The following THRB variants were observed in gnomAD, a reference collection of about 807,000 sequenced individuals.
THRB encodes the protein thyroid hormone receptor beta.
Under a neutral mutation model 47.8 loss-of-function variants are expected in THRB, and 12 were observed. That is an observed-to-expected ratio of 0.25 (90% CI 0.16 to 0.41). The LOEUF (loss-of-function observed/expected upper bound fraction) is 0.41, where lower values mean the gene tolerates loss of function less well. Ranked by LOEUF, THRB falls within the 10% of genes least tolerant of loss-of-function variation. THRB has a pLI of 1.00. For synonymous variants in THRB, 218 were observed against 212.2 expected (o/e 1.03, Z -0.24); for missense variants, 348 against 589.2 (o/e 0.59, Z 4.24).
Position 24,122,536 on chromosome 3 carries a change from C to T in THRB, c.*348G>A. ...TGGTCGTATTATCTTGGTTTTAAGG[C>T]TTCTTTAGTGTCCTGTGGCGCCATT... On this transcript the variant is annotated 3_prime_UTR_variant, in exon 11 of 11. Transcript: ENST00000646209. 2.7e-6 allele frequency: 1 copy of T among 364,270 alleles called. No individual in the cohort carries two copies. The highest frequency in any genetic ancestry group is 5.3e-6 in the Non-Finnish European group (1 of 190,380). 22.6% of individuals were successfully genotyped at this position (364,270 alleles called of 1,614,324 possible). A position where few individuals can be genotyped will look rare whatever the true frequency, so the allele number is the denominator to read the frequency against.
At chr3:24,218,531 A>G (rs1422463948) in intron 4 of THRB, among the ~76,000 whole-genome samples, 2 of 150,926 alleles carry the variant, frequency 1.3e-5, no homozygotes, top group East Asian at 1.9e-4. Context: ...AAGTACAAAC[A>G]CTCATTTACA....
At chr3:24,439,023 A>G (rs1272334545) in intron 1 of THRB, among the ~76,000 whole-genome samples, 2 of 152,154 alleles carry the variant, frequency 1.3e-5, no homozygotes, top group Non-Finnish European at 2.9e-5. Context: ...GTCTAGTCTG[A>G]TCCCACAGGG....
At chr3:24,406,553 T>G (rs930421807) in intron 1 of THRB, among the ~76,000 whole-genome samples, 1 of 151,812 alleles carries the variant, frequency 6.6e-6, no homozygotes, top group Non-Finnish European at 1.5e-5. Flanking sequence ...GGAATTTTTT[T>G]AACTTGTGAG....
chr3:24,377,416 G>A (rs911843955), intron 1 of THRB, among the ~76,000 whole-genome samples: 11 of 147,514 alleles, frequency 7.5e-5, no homozygotes, highest in African/African-American at 2.2e-4. Context: ...TAAAAATGTT[G>A]TCATTCAAGC....
At chr3:24,286,067 T>C (rs1700936) in intron 3 of THRB, among the ~76,000 whole-genome samples, 110,659 of 152,122 alleles carry the variant, frequency 0.73, 40,621 homozygotes, top group Middle Eastern at 0.87. Context: ...GGAAAGACCA[T>C]GTGAAGGCAT....
chr3:24,465,245 AAC>A (rs1172469209), intron 1 of THRB, among the ~76,000 whole-genome samples: 1 of 152,194 alleles, frequency 6.6e-6, no homozygotes, highest in East Asian at 1.9e-4. Flanking sequence ...GATTCTGAAA[AAC>A]ACATTCTGCT....
At chr3:24,427,916 A>T (rs2069934118) in intron 1 of THRB, among the ~76,000 whole-genome samples, 1 of 151,942 alleles carries the variant, frequency 6.6e-6, no homozygotes, top group Admixed American at 6.6e-5. Context: ...TAGATTTGAA[A>T]ATTTCCATTA....
intron 3 of THRB, among the ~76,000 whole-genome samples, chr3:24,238,293 T>G (rs796967176): frequency 0.026 from 711 of 26,992 alleles, 4 homozygotes; most frequent in African/African-American, 0.032. Context: ...GGGGGGGGGG[T>G]GTGTGGGGTG....
intron 1 of THRB, among the ~76,000 whole-genome samples, chr3:24,419,471 G>C (rs1428160319): frequency 6.6e-6 from 1 of 151,812 alleles, no homozygotes; most frequent in Non-Finnish European, 1.5e-5. Flanking sequence ...ATTCTATTTA[G>C]GGTTCATTTA....
chr3:24,476,843 T>A (rs1485063749), intron 1 of THRB, among the ~76,000 whole-genome samples: 2 of 152,198 alleles, frequency 1.3e-5, no homozygotes, highest in Non-Finnish European at 2.9e-5. Context: ...TGAGACAATT[T>A]TAACGTTCCT....
chr3:24,475,932 G>A (rs1041760037), intron 1 of THRB, among the ~76,000 whole-genome samples: 6 of 152,156 alleles, frequency 3.9e-5, no homozygotes, highest in Non-Finnish European at 7.3e-5. Context: ...GTCTTTCTAA[G>A]GAATCTCTCA....
intron 1 of THRB, among the ~76,000 whole-genome samples, chr3:24,493,760 T>A (rs923435260): frequency 1.6e-4 from 24 of 152,308 alleles, no homozygotes; most frequent in Middle Eastern, 6.8e-3. Flanking sequence ...TTAAAAAAAA[T>A]TCATCTCATT....
rs1418104192 is a variant in THRB, at chr3:24,122,345, C to G, written c.*539G>C. On this transcript the variant is annotated 3_prime_UTR_variant, in exon 11 of 11. Transcript: ENST00000646209. ...TAGGACACAAATATTCCTGTACATT[C>G]CAAGTTATGCTCCTAGGAGACCATA... is the stretch of plus-strand genomic sequence containing the variant. 6.0e-6 allele frequency: 1 copy of G among 165,696 alleles called. No individual in the cohort carries two copies. The highest frequency in any genetic ancestry group is 1.3e-5 in the Non-Finnish European group (1 of 74,742). 10.3% of individuals were successfully genotyped at this position (165,696 alleles called of 1,614,324 possible). A position where few individuals can be genotyped will look rare whatever the true frequency, so the allele number is the denominator to read the frequency against.
In THRB at chr3:24,122,814, A is replaced by G; in HGVS notation, c.*70T>C. On this transcript the variant is annotated 3_prime_UTR_variant, in exon 11 of 11. Coordinates refer to ENST00000646209, the MANE Select transcript of THRB (RefSeq NM_001354712.2). Reference sequence around the variant, plus strand: ...TCCCAACACAAAGAAACAAACAAAAAAGAGCTAGGCAATGGAATGAAATGA... The same window carrying G: ...TCCCAACACAAAGAAACAAACAAAAGAGAGCTAGGCAATGGAATGAAATGA... The G allele has an allele frequency of 1.9e-6, 3 of 1,607,698 alleles. No individual in the cohort carries two copies. Among genetic ancestry groups the G allele is most frequent in the Non-Finnish European group, 2.6e-6 (3 of 1,174,346 alleles).
At position 24,255,880 on chromosome 3, in the gene THRB, CA is replaced by C. The variant is rs552089124; in HGVS notation, c.-42-26880del. 2.0e-3 allele frequency among the ~76,000 whole-genome samples: 311 copies of C among 152,262 alleles called. 1 individual carries two copies. Among genetic ancestry groups the C allele is most frequent in the Non-Finnish European group, 3.3e-3 (226 of 68,010 alleles). The stretch of plus-strand genomic sequence containing the variant: ...AGTAGCAATGATTAGATTTACATTT[CA>C]AAAACCACTGTATCCACTGTGTTGA... On this transcript the variant is annotated intron_variant, in intron 3 of 10. Transcript: ENST00000646209.
chr3:24,438,506 GGTGTGTGTGT>G lies in THRB; in HGVS notation c.-261+56136_-261+56145del, dbSNP rs145050133. On this transcript the variant is annotated intron_variant, in intron 1 of 10. Transcript: ENST00000646209. Reference sequence around the variant, plus strand: ...ATGCCATTGTCAGAGAGAACAAAAAGGTGTGTGTGTGTGTGTGTGTGTGTGTGTGTGCACA... The same window carrying G: ...ATGCCATTGTCAGAGAGAACAAAAAGGTGTGTGTGTGTGTGTGTGTGCACA... Among the ~76,000 whole-genome samples, 236 of 145,964 alleles carry G rather than the reference GGTGTGTGTGT, an allele frequency of 1.6e-3. 1 individual carries two copies. The highest frequency in any genetic ancestry group is 0.011 in the Middle Eastern group (3 of 280).
chr3:24,251,507 G>C (rs554297463), intron 3 of THRB, among the ~76,000 whole-genome samples: 35 of 152,064 alleles, frequency 2.3e-4, no homozygotes, highest in African/African-American at 7.0e-4. Flanking sequence ...AAAAGAAAGG[G>C]AATTATTTAT....
chr3:24,289,572 T>G (rs1233180302), intron 3 of THRB, among the ~76,000 whole-genome samples: 2 of 152,182 alleles, frequency 1.3e-5, no homozygotes, highest in Admixed American at 1.3e-4. Flanking sequence ...GACCAAGAAC[T>G]AAAATACAAG....
chr3:24,235,276 C>T (rs979024575), intron 3 of THRB, among the ~76,000 whole-genome samples: 5 of 152,202 alleles, frequency 3.3e-5, no homozygotes, highest in Non-Finnish European at 7.3e-5. Context: ...CCTTTGTCCC[C>T]TTGTGTTTCC....
Sources: gnomAD v4.1 joint callset for allele counts (sites outside exome capture counted in the v4.1 genomes callset) on GRCh38, gnomAD v4.1.1 for gene constraint, MANE v1.5 for transcripts, NCBI Gene and HGNC (gene_info 2026-07-23, HGNC 2026-07-21) for gene names.